ARHGAP32: variants seen among roughly 807,000 people sequenced by gnomAD.
ARHGAP32 encodes the protein rho GTPase-activating protein 32.
In ARHGAP32, 51 loss-of-function variants were observed where a neutral mutation model predicts 186.5. That is an observed-to-expected ratio of 0.27 (90% CI 0.22 to 0.35). The LOEUF is 0.35. ARHGAP32 is among the 10% of genes least tolerant of loss of function. The probability of loss-of-function intolerance (pLI) is 1.00; values close to 1 mark genes in which losing one functional copy is unlikely to be tolerated. For missense variants in ARHGAP32, 2,186 were observed against 2,623.5 expected (o/e 0.83, Z 3.64); for synonymous variants, 950 against 964.3 (o/e 0.99, Z 0.27).
chr11:129,097,198 C>T (rs1048791079), intron 5 of ARHGAP32, among the ~76,000 whole-genome samples: 3 of 152,004 alleles, frequency 2.0e-5, no homozygotes, highest in Non-Finnish European at 4.4e-5. Flanking sequence ...ATCATGGTGG[C>T]TCACACCTGT....
intron 16 of ARHGAP32, 24 bp from the exon 17 acceptor site, chr11:128,981,585 CAG>C (rs769534035): frequency 6.9e-5 from 110 of 1,598,262 alleles, no homozygotes; most frequent in Non-Finnish European, 9.1e-5. Context: ...ATTTTCATCA[CAG>C]AGTTGTAAAG....
At chr11:129,124,240 T>G (rs1231378938) in intron 3 of ARHGAP32, among the ~76,000 whole-genome samples, 2 of 152,172 alleles carry the variant, frequency 1.3e-5, no homozygotes, top group African/African-American at 4.8e-5. Context: ...TATACAACAT[T>G]TTAAATAATT....
chr11:129,024,537 C>A (rs1938747171), intron 11 of ARHGAP32, among the ~76,000 whole-genome samples: 1 of 152,142 alleles, frequency 6.6e-6, no homozygotes, highest in South Asian at 2.1e-4. Flanking sequence ...TTTGCTGATA[C>A]TGAGCTAAGA....
chr11:129,057,942 G>T (rs116500802), intron 10 of ARHGAP32, among the ~76,000 whole-genome samples: 92 of 152,150 alleles, frequency 6.0e-4, no homozygotes, highest in African/African-American at 2.1e-3. Context: ...GTGAGCCAAG[G>T]AGAGAAGCCT....
rs551586068 is a variant in ARHGAP32, at chr11:128,967,866, C to T, written c.*1041G>A. 157 of 148,226 alleles carry T rather than the reference C, an allele frequency of 1.1e-3. No individual in the cohort carries two copies. The highest frequency in any genetic ancestry group is 3.9e-3 in the African/African-American group (155 of 40,072). The allele number at this position is 148,226 out of a possible 1,614,324, so 9.2% of individuals were successfully genotyped here. A position where few individuals can be genotyped will look rare whatever the true frequency, so the allele number is the denominator to read the frequency against. ...ACTCTGGTTTAGGAACAGAAACAAA[C>T]ATGGAAATTTATATTCATAATAAAT... On this transcript the variant is annotated 3_prime_UTR_variant, in exon 23 of 23. Coordinates refer to ENST00000682385, the MANE Select transcript of ARHGAP32 (RefSeq NM_001378024.1).
chr11:128,986,383 C>T (rs1945872795), intron 14 of ARHGAP32, 141 bp downstream of exon 14: 1 of 873,618 alleles, frequency 1.1e-6, no homozygotes, highest in South Asian at 1.8e-5. Context: ...CACCGACTAG[C>T]TGGCAATATT....
intron 11 of ARHGAP32, among the ~76,000 whole-genome samples, chr11:129,005,761 A>T (rs1937732249): frequency 1.3e-5 from 2 of 151,930 alleles, no homozygotes. Flanking sequence ...GTGTTTTGTA[A>T]ACTTCTTGTG....
At chr11:129,249,170 C>T (rs1056398458) in intron 1 of ARHGAP32, among the ~76,000 whole-genome samples, 9 of 151,840 alleles carry the variant, frequency 5.9e-5, no homozygotes, top group African/African-American at 1.7e-4. Flanking sequence ...AAAGCAACTA[C>T]ATGGCAAGTT....
chr11:128,972,267 G>T, intron 22 of ARHGAP32, 186 bp downstream of exon 22: 1 of 500,340 alleles, frequency 2.0e-6, no homozygotes, highest in Non-Finnish European at 3.3e-6. Flanking sequence ...CTCCTTTCCT[G>T]GGGAAAAGCC....
chr11:129,196,451 G>T (rs1944392967), upstream of ARHGAP32, among the ~76,000 whole-genome samples: 1 of 152,184 alleles, frequency 6.6e-6, no homozygotes, highest in Non-Finnish European at 1.5e-5. Context: ...ATCTAGAGAT[G>T]ATTTAAAGTA....
rs1439325771 is a variant in ARHGAP32 at position 129,123,457 on chromosome 11, C to T, written c.433G>A (p.Gly145Ser). The T allele has an allele frequency of 1.9e-6, 3 of 1,612,328 alleles. No homozygotes were observed. Among genetic ancestry groups the T allele is most frequent in the South Asian group, 1.1e-5 (1 of 90,956 alleles). Residue 145 changes from glycine to serine, a missense_variant, in exon 5 of 23, where the codon GGC becomes AGC. Gly to Ser is a moderately conservative substitution (Grantham distance 56, BLOSUM62 0). Around this residue, in one of 5 missense-constraint regions of ARHGAP32, gnomAD observed 308 missense variants for 596.5 expected, o/e 0.52. Transcript: ENST00000682385. The surrounding 1 kb of genome is among the most constrained non-coding windows in gnomAD (Gnocchi z 4.6). ...ATATTTCAGTATACCTGTATGCTGC[C>T]GAACTCAACATTCTCATAATGGAAA... ...AHFHYENVEF[G>S]SIQLSLSEEQ...
At chr11:128,984,565 A>G (rs111746631) in intron 15 of ARHGAP32, among the ~76,000 whole-genome samples, 3,070 of 152,320 alleles carry the variant, frequency 0.02, 46 homozygotes, top group Non-Finnish European at 0.029. Context: ...ATATCAAAAG[A>G]TATACAAAGT....
In ARHGAP32 at chr11:129,077,361, A is replaced by C. The variant is rs540752026; in HGVS notation, c.532-10493T>G. Among the ~76,000 whole-genome samples, 110 of 152,280 alleles carry C rather than the reference A, an allele frequency of 7.2e-4. 1 individual carries two copies. The highest frequency in any genetic ancestry group is 2.5e-3 in the African/African-American group (104 of 41,548). ...TAGATGGGGAGGGGTGAAGCCTGAA[A>C]GCCCTGCGTGTTTTCTCAGCAGGGA... On this transcript the variant is annotated intron_variant, in intron 6 of 22. Coordinates refer to ENST00000682385, the MANE Select transcript of ARHGAP32 (RefSeq NM_001378024.1).
chr11:128,984,716 T>C (rs753540630), intron 15 of ARHGAP32, among the ~76,000 whole-genome samples: 9 of 152,094 alleles, frequency 5.9e-5, no homozygotes, highest in Non-Finnish European at 1.3e-4. Flanking sequence ...TGGTAAGTAA[T>C]ATAATATATA....
At chr11:129,179,473 T>C (rs1430144582) in intron 1 of ARHGAP32, among the ~76,000 whole-genome samples, 1 of 152,192 alleles carries the variant, frequency 6.6e-6, no homozygotes, top group Non-Finnish European at 1.5e-5. Context: ...TAAATCATGC[T>C]GCTATAAAGA....
At chr11:129,203,940 T>C (rs971594080) in intron 1 of ARHGAP32, among the ~76,000 whole-genome samples, 2 of 147,994 alleles carry the variant, frequency 1.4e-5, no homozygotes, top group Non-Finnish European at 3.0e-5. Flanking sequence ...TAATTATATA[T>C]AATTTTATAC....
chr11:129,053,793 T>C lies in ARHGAP32; in HGVS notation c.963+8487A>G, dbSNP rs1278910285. On this transcript the variant is annotated intron_variant, in intron 10 of 22. Transcript: ENST00000682385. ...CACATAATTCCCCTTCTCTTGAAATTATGTCACAGATGAAAACTCACAGTA... is the reference window on the plus strand; with the variant it reads ...CACATAATTCCCCTTCTCTTGAAATCATGTCACAGATGAAAACTCACAGTA... Among the ~76,000 whole-genome samples, 6 of 152,174 alleles carry C rather than the reference T, an allele frequency of 3.9e-5. No individual in the cohort carries two copies. The East Asian group carries it at 1.2e-3, about 29-fold the overall frequency.
chr11:129,078,571 C>T lies in ARHGAP32; in HGVS notation c.532-11703G>A, dbSNP rs1455371116. Among the ~76,000 whole-genome samples, 3 of 152,328 alleles carry T rather than the reference C, an allele frequency of 2.0e-5. No individual in the cohort carries two copies. The East Asian group carries it at 5.8e-4, about 29-fold the overall frequency. ...GCAGTGGCACGTTCTCAGCTCACTG[C>T]AACCTCCGCCTCCTGGGTCCAAGTG... On this transcript the variant is annotated intron_variant, in intron 6 of 22. Transcript: ENST00000682385.
chr11:129,217,245 C>T (rs558541075), intron 1 of ARHGAP32, among the ~76,000 whole-genome samples: 1 of 152,274 alleles, frequency 6.6e-6, no homozygotes, highest in African/African-American at 2.4e-5. Flanking sequence ...ATATCAAAAC[C>T]TGTATGTCCC....
Sources: allele counts gnomAD v4.1 joint callset (sites outside exome capture counted in the v4.1 genomes callset), GRCh38; gene constraint gnomAD v4.1.1; regional missense constraint gnomAD v4.1.1; non-coding constraint Gnocchi (gnomAD v3.1); transcripts MANE v1.5; gene names NCBI Gene and HGNC (gene_info 2026-07-23, HGNC 2026-07-21).